Variants in PTPRM observed in about 807,000 individuals in gnomAD.
PTPRM encodes the protein protein tyrosine phosphatase receptor type M.
A neutral mutation model predicts 186.7 loss-of-function variants in PTPRM; 47 were observed. The observed-to-expected ratio is 0.25, with a 90% CI of 0.20 to 0.32. PTPRM has a LOEUF of 0.32. PTPRM is among the 10% of genes least tolerant of loss of function. The pLI is 1.00. For missense variants in PTPRM, 1,494 were observed against 1,865.0 expected (o/e 0.80, Z 3.66); for synonymous variants, 668 against 674.9 (o/e 0.99, Z 0.16).
chr18:8,090,890 T>TG (rs1197130229), intron 11 of PTPRM, among the ~76,000 whole-genome samples: 1 of 152,186 alleles, frequency 6.6e-6, no homozygotes, highest in African/African-American at 2.4e-5. Flanking sequence ...CCACCATGCC[T>TG]GGCCAAGACT....
intron 27 of PTPRM, among the ~76,000 whole-genome samples, chr18:8,378,663 T>A (rs376178830): frequency 1.3e-5 from 2 of 152,174 alleles, no homozygotes; most frequent in East Asian, 3.9e-4. Context: ...GAACCACTGG[T>A]CTAACAACCA....
At chr18:8,221,775 A>G (rs1568549209) in intron 14 of PTPRM, among the ~76,000 whole-genome samples, 1 of 152,164 alleles carries the variant, frequency 6.6e-6, no homozygotes, top group Non-Finnish European at 1.5e-5. Flanking sequence ...CTCCTTACAT[A>G]TTTTAATTTT....
chr18:7,777,878 G>GTGGC (rs981695068), intron 2 of PTPRM, among the ~76,000 whole-genome samples: 3 of 152,102 alleles, frequency 2.0e-5, no homozygotes, highest in African/African-American at 7.2e-5. Context: ...GCTGGGTGCG[G>GTGGC]TGGCTCATGC....
chr18:7,723,813 C>T (rs1210060889), intron 1 of PTPRM, among the ~76,000 whole-genome samples: 1 of 152,184 alleles, frequency 6.6e-6, no homozygotes, highest in African/African-American at 2.4e-5. Context: ...TTTTGTCTGC[C>T]TTTTCCTCCT....
At chr18:8,341,278 C>G (rs2030895654) in intron 22 of PTPRM, among the ~76,000 whole-genome samples, 1 of 152,172 alleles carries the variant, frequency 6.6e-6, no homozygotes, top group Non-Finnish European at 1.5e-5. Flanking sequence ...ATAACACTGT[C>G]ATAATAATAT....
chr18:8,337,206 T>C (rs574537917), intron 22 of PTPRM, among the ~76,000 whole-genome samples: 1 of 152,084 alleles, frequency 6.6e-6, no homozygotes, highest in East Asian at 1.9e-4. Flanking sequence ...TTTGAGGAGG[T>C]TTTTTTCAAT....
At chr18:8,009,469 G>A (rs2084386193) in intron 7 of PTPRM, among the ~76,000 whole-genome samples, 1 of 152,130 alleles carries the variant, frequency 6.6e-6, no homozygotes, top group African/African-American at 2.4e-5. Flanking sequence ...CAGCACTTTG[G>A]GAGGCCAGGG....
At chr18:8,079,359 C>T (rs1163058703) in intron 9 of PTPRM, among the ~76,000 whole-genome samples, 1 of 152,162 alleles carries the variant, frequency 6.6e-6, no homozygotes, top group African/African-American at 2.4e-5. Context: ...CTATCAAAAT[C>T]TCTTATTTTG....
intron 7 of PTPRM, among the ~76,000 whole-genome samples, chr18:8,019,671 A>G (rs1339901602): frequency 6.6e-6 from 1 of 151,244 alleles, no homozygotes; most frequent in East Asian, 1.9e-4. Flanking sequence ...CTGGAATTAA[A>G]CAAGGAGGAT....
chr18:8,362,314 TTACATACACC>T (rs2095601965), intron 23 of PTPRM, among the ~76,000 whole-genome samples: 1 of 152,146 alleles, frequency 6.6e-6, no homozygotes, highest in African/African-American at 2.4e-5. Context: ...GTGGCAGTGA[TTACATACACC>T]TACACAAAGG....
chr18:8,245,722 A>G (rs761393612), intron 15 of PTPRM, among the ~76,000 whole-genome samples: 1 of 152,200 alleles, frequency 6.6e-6, no homozygotes, highest in Non-Finnish European at 1.5e-5. Context: ...ATTTTGCAGT[A>G]TAACCCATTA....
At chr18:8,321,224 T>C (rs760483072) in intron 22 of PTPRM, among the ~76,000 whole-genome samples, 12 of 152,204 alleles carry the variant, frequency 7.9e-5, no homozygotes, top group Non-Finnish European at 1.3e-4. Context: ...CTCCCGAGCT[T>C]CATTTCTCTC....
At chr18:7,995,022 A>G (rs1245482573) in intron 7 of PTPRM, among the ~76,000 whole-genome samples, 1 of 152,110 alleles carries the variant, frequency 6.6e-6, no homozygotes, top group Non-Finnish European at 1.5e-5. Flanking sequence ...AGAGATTAAC[A>G]AAATGAAAAC....
rs7232511 is a variant in PTPRM at position 8,198,005 on chromosome 18, C to T, written c.2301-46053C>T. Among the ~76,000 whole-genome samples, 6 of 152,070 alleles carry T rather than the reference C, an allele frequency of 3.9e-5. No homozygotes were observed. The South Asian group carries it at 8.3e-4, about 21-fold the overall frequency. ...GAGTCTGATGGGTAGAAACAGCCAC[C>T]CTTGCTCTCTCCCACCTTCTTCTGT... On this transcript the variant is annotated intron_variant, in intron 14 of 32. Coordinates refer to ENST00000580170, the MANE Select transcript of PTPRM (RefSeq NM_001105244.2).
chr18:7,817,226 C>T (rs556185358), intron 2 of PTPRM, among the ~76,000 whole-genome samples: 13 of 152,268 alleles, frequency 8.5e-5, no homozygotes, highest in East Asian at 1.9e-4. Context: ...CTGCCCGCCT[C>T]GGCATCCCAA....
At chr18:8,017,962 C>G (rs930936284) in intron 7 of PTPRM, 12 of 152,272 alleles carry the variant, frequency 7.9e-5, no homozygotes, top group African/African-American at 2.9e-4. Context: ...CTGTTAGGTA[C>G]AAATGGAAAC....
At chr18:8,130,963 G>A (rs890170228) in intron 13 of PTPRM, among the ~76,000 whole-genome samples, 4 of 152,178 alleles carry the variant, frequency 2.6e-5, no homozygotes, top group African/African-American at 9.6e-5. Flanking sequence ...GTAGAGTAGA[G>A]CACAAACCTG....
chr18:7,990,301 G>C (rs1243368253), intron 7 of PTPRM, among the ~76,000 whole-genome samples: 1 of 152,164 alleles, frequency 6.6e-6, no homozygotes, highest in Non-Finnish European at 1.5e-5. Flanking sequence ...GCAGTGTGAA[G>C]AATCGTGTGT....
chr18:7,732,356 T>A (rs2040677887), intron 1 of PTPRM, among the ~76,000 whole-genome samples: 1 of 152,150 alleles, frequency 6.6e-6, no homozygotes, highest in South Asian at 2.1e-4. Flanking sequence ...TTTTCATTGA[T>A]CAGAACTTAG....
Sources: gnomAD v4.1 joint callset for allele counts (sites outside exome capture counted in the v4.1 genomes callset) on GRCh38, gnomAD v4.1.1 for gene constraint, MANE v1.5 for transcripts, NCBI Gene and HGNC (gene_info 2026-07-23, HGNC 2026-07-21) for gene names.